TUT4: variants seen among roughly 807,000 people sequenced by gnomAD.
TUT4 encodes terminal uridylyl transferase 4.
A neutral mutation model predicts 192.2 loss-of-function variants in TUT4; 36 were observed. The ratio of observed to expected loss-of-function variants is 0.19; its 90% CI spans 0.14 to 0.25. The LOEUF (loss-of-function observed/expected upper bound fraction) is 0.25, where lower values mean the gene tolerates loss of function less well. Among genes scored for constraint, TUT4 ranks in the 10% least tolerant of loss-of-function variants. The probability of loss-of-function intolerance (pLI) is 1.00; values close to 1 mark genes in which losing one functional copy is unlikely to be tolerated. For synonymous variants in TUT4, 618 were observed against 666.0 expected, an observed-to-expected ratio of 0.93 and a Z score of 1.11; for missense variants, 1,493 against 1,957.2, an observed-to-expected ratio of 0.76 and a Z score of 4.47.
chr1:52,534,468 C>T (rs988974067), intron 1 of TUT4, among the ~76,000 whole-genome samples: 6 of 152,034 alleles, frequency 3.9e-5, no homozygotes, highest in African/African-American at 1.4e-4. Context: ...TTATTGGACC[C>T]CCGTAAACTC....
chr1:52,501,749 T>A (rs1674144954), intron 4 of TUT4, among the ~76,000 whole-genome samples: 1 of 152,128 alleles, frequency 6.6e-6, no homozygotes, highest in Admixed American at 6.5e-5. Context: ...AAACATGGCA[T>A]ACAGATACGA....
Position 52,424,205 on chromosome 1 carries a change from G to A in TUT4, c.4871-203C>T, listed in dbSNP as rs550014422. The A allele has an allele frequency of 1.1e-3, 580 of 550,762 alleles. 4 individuals are homozygous for A. The highest frequency in any genetic ancestry group is 0.01 in the African/African-American group (531 of 52,816). 34.1% of individuals were successfully genotyped at this position (550,762 alleles called of 1,614,324 possible). On this transcript the variant is annotated intron_variant, in intron 29 of 29. Transcript: ENST00000257177. ...TGTATGTGAAAAAAGGAGAGGACAC[G>A]AAAGATGGAGAGGAGGAATCAAAGG...
At chr1:52,456,577 AT>A (rs1661050963) in intron 20 of TUT4, among the ~76,000 whole-genome samples, 1 of 151,900 alleles carries the variant, frequency 6.6e-6, no homozygotes, top group Non-Finnish European at 1.5e-5. Context: ...TCACTGAGTG[AT>A]GGAAGTCAAT....
intron 1 of TUT4, among the ~76,000 whole-genome samples, chr1:52,536,383 C>T (rs1417704016): frequency 6.6e-6 from 1 of 152,024 alleles, no homozygotes; most frequent in African/African-American, 2.4e-5. Flanking sequence ...AACACACACA[C>T]ACAAAATCAA....
intron 20 of TUT4, among the ~76,000 whole-genome samples, chr1:52,456,567 T>C (rs781342965): frequency 4.7e-5 from 7 of 149,288 alleles, no homozygotes; most frequent in South Asian, 2.1e-4. Flanking sequence ...TAAACACATA[T>C]CACTGAGTGA....
chr1:52,466,680 A>AT (rs1436025380), intron 15 of TUT4, among the ~76,000 whole-genome samples: 2 of 131,156 alleles, frequency 1.5e-5, no homozygotes, highest in Non-Finnish European at 1.5e-5. Context: ...ATATATATAT[A>AT]TATTTTTGAG....
intron 27 of TUT4, chr1:52,432,022 T>C (rs1295323488): frequency 1.3e-5 from 2 of 152,374 alleles, no homozygotes; most frequent in African/African-American, 4.8e-5. Context: ...CAGTCAGCTC[T>C]ACAGAACCCA....
At chr1:52,444,995 A>ATACATGTATATGTGTGTATATATATG in intron 24 of TUT4, among the ~76,000 whole-genome samples, 1 of 149,986 alleles carries the variant, frequency 6.7e-6, no homozygotes, top group African/African-American at 2.5e-5. Flanking sequence ...ATATATGTAT[A>ATACATGTATATGTGTGTATATATATG]TACATGTATG....
intron 1 of TUT4, among the ~76,000 whole-genome samples, chr1:52,545,206 T>C (rs951427764): frequency 6.6e-6 from 1 of 151,810 alleles, no homozygotes. Context: ...TGAAATTCCG[T>C]CTCTACTAAA....
intron 28 of TUT4, among the ~76,000 whole-genome samples, chr1:52,428,133 CAAAG>C (rs1436270878): frequency 1.1e-4 from 17 of 152,090 alleles, no homozygotes; most frequent in African/African-American, 2.4e-5. Context: ...AGATAAAAAT[CAAAG>C]AGATATAAAA....
Position 52,431,100 on chromosome 1 carries a change from C to T in TUT4, c.4624G>A (p.Ala1542Thr). 6.2e-7 allele frequency: 1 copy of T among 1,614,226 alleles called. No individual in the cohort carries two copies. The highest frequency in any genetic ancestry group is 1.1e-5 in the South Asian group (1 of 91,084). The change falls in exon 28 of 30, where the codon GCA becomes ACA. Residue 1542 changes from alanine (A) to threonine (T), a missense_variant. Coordinates refer to ENST00000257177, the MANE Select transcript of TUT4 (RefSeq NM_001009881.3). Reference sequence around the variant, plus strand: ...CCATCGTGAGACGTGTTAGGGATTGCCACAGGTCTGGCAGCAGGCTGTGCA... The same window carrying T: ...CCATCGTGAGACGTGTTAGGGATTGTCACAGGTCTGGCAGCAGGCTGTGCA... ...IFAQPAARPV[A>T]IPNTSHDGHW...
At chr1:52,473,572 G>C (rs1233360915) in intron 13 of TUT4, among the ~76,000 whole-genome samples, 1 of 152,056 alleles carries the variant, frequency 6.6e-6, no homozygotes, top group East Asian at 1.9e-4. Context: ...TTAAATGCTA[G>C]CCATACCTTA....
intron 3 of TUT4, among the ~76,000 whole-genome samples, chr1:52,513,294 C>A (rs760620378): frequency 6.8e-6 from 1 of 147,340 alleles, no homozygotes; most frequent in Non-Finnish European, 1.5e-5. Flanking sequence ...CCAAGCTACT[C>A]GGGAGACTTA....
chr1:52,541,531 C>CAA lies in TUT4; in HGVS notation c.-94+11398_-94+11399dup, dbSNP rs1162990214. On this transcript the variant is annotated intron_variant, in intron 1 of 29. Coordinates refer to ENST00000257177, the MANE Select transcript of TUT4 (RefSeq NM_001009881.3). ...TGGGTGACAGAGCGAGACTCCGTCT[C>CAA]AAAAAAAAAAAAGAAAGAAACTCCT... 6.9e-5 allele frequency among the ~76,000 whole-genome samples: 7 copies of CAA among 101,544 alleles called. No individual in the cohort carries two copies. The South Asian group carries it at 1.9e-3, about 28-fold the overall frequency. 66.6% of individuals were successfully genotyped at this position (101,544 alleles called of 152,430 possible).
At chr1:52,549,975 A>C (rs547531063) in intron 1 of TUT4, among the ~76,000 whole-genome samples, 2 of 152,290 alleles carry the variant, frequency 1.3e-5, no homozygotes, top group South Asian at 2.1e-4. Flanking sequence ...AAGGGGGAAA[A>C]ATCCTAACAT....
intron 14 of TUT4, among the ~76,000 whole-genome samples, chr1:52,469,061 G>A (rs1443819519): frequency 1.2e-4 from 18 of 152,016 alleles, no homozygotes; most frequent in South Asian, 2.1e-4. Context: ...AATGTAATTC[G>A]TTAACTTGTT....
At chr1:52,550,563 C>T (rs556498694) in intron 1 of TUT4, among the ~76,000 whole-genome samples, 184 of 142,322 alleles carry the variant, frequency 1.3e-3, no homozygotes, top group Non-Finnish European at 2.2e-3. Context: ...AGTACAGTGG[C>T]GCAACTGTGC....
chr1:52,444,811 G>T (rs1656877359), intron 24 of TUT4, among the ~76,000 whole-genome samples: 1 of 151,176 alleles, frequency 6.6e-6, no homozygotes, highest in Non-Finnish European at 1.5e-5. Flanking sequence ...GACTTGGACT[G>T]GCTCTCCTTG....
intron 3 of TUT4, among the ~76,000 whole-genome samples, chr1:52,510,972 T>C (rs531176090): frequency 6.6e-6 from 1 of 152,230 alleles, no homozygotes; most frequent in South Asian, 2.1e-4. Context: ...ACTGAAACTT[T>C]AGCAATGCTT....
Sources: gnomAD v4.1 joint callset for allele counts (sites outside exome capture counted in the v4.1 genomes callset) on GRCh38, gnomAD v4.1.1 for gene constraint, MANE v1.5 for transcripts, NCBI Gene and HGNC (gene_info 2026-07-23, HGNC 2026-07-21) for gene names.